CHLSN: variants seen among roughly 807,000 people sequenced by gnomAD.
The protein encoded by CHLSN is cholesin, also known as protein cholesin.
the CHLSN span, chr7:1,093,467 G>A: frequency 9.2e-5 from 43 of 468,744 alleles, no homozygotes; most frequent in African/African-American, 5.8e-4. Flanking sequence ...GGCGCTGTGC[G>A]GCCTCACCAG....
chr7:1,105,837 CT>C, the CHLSN span, among the ~76,000 whole-genome samples: 1 of 152,086 alleles, frequency 6.6e-6, no homozygotes, highest in Non-Finnish European at 1.5e-5. Flanking sequence ...GTGTGTTTTA[CT>C]TTTAAAAAGA....
the CHLSN span, among the ~76,000 whole-genome samples, chr7:1,061,988 C>A: frequency 6.6e-6 from 1 of 152,248 alleles, no homozygotes; most frequent in Admixed American, 6.5e-5. Flanking sequence ...CTTAATTCTT[C>A]CAGGCAGCCG....
chr7:1,080,577 G>T, the CHLSN span, among the ~76,000 whole-genome samples: 1 of 152,232 alleles, frequency 6.6e-6, no homozygotes, highest in African/African-American at 2.4e-5. Context: ...GGAACAGGAC[G>T]GTTTGTGCGC....
chr7:1,012,352 G>A, the CHLSN span, among the ~76,000 whole-genome samples: 7 of 152,256 alleles, frequency 4.6e-5, no homozygotes, highest in Admixed American at 2.0e-4. Context: ...CAACAGCAAC[G>A]TGGGCGCTGG....
the CHLSN span, among the ~76,000 whole-genome samples, chr7:1,071,443 G>A: frequency 3.3e-5 from 5 of 152,208 alleles, no homozygotes; most frequent in African/African-American, 1.2e-4. Flanking sequence ...CTGATGTGAG[G>A]TGGGCCTGGG....
At chr7:1,009,341 C>G in the CHLSN span, among the ~76,000 whole-genome samples, 2 of 152,210 alleles carry the variant, frequency 1.3e-5, no homozygotes, top group Non-Finnish European at 2.9e-5. Flanking sequence ...GGGAGACGGA[C>G]AGGAACGGGC....
the CHLSN span, among the ~76,000 whole-genome samples, chr7:1,035,099 G>T: frequency 2.6e-5 from 4 of 152,106 alleles, no homozygotes; most frequent in Non-Finnish European, 5.9e-5. Context: ...TGCTGGGCTG[G>T]TGTCATGTCT....
At chr7:1,066,820 C>A in the CHLSN span, among the ~76,000 whole-genome samples, 1 of 151,068 alleles carries the variant, frequency 6.6e-6, no homozygotes, top group African/African-American at 2.4e-5. Flanking sequence ...TGGAGTGCAC[C>A]CCAGAGGTGA....
chr7:1,084,748 C>T, the CHLSN span, among the ~76,000 whole-genome samples: 5 of 152,360 alleles, frequency 3.3e-5, no homozygotes, highest in African/African-American at 9.6e-5. Context: ...AGGTTAGAGA[C>T]GTTGCCCGGT....
At chr7:1,012,859 C>T in the CHLSN span, among the ~76,000 whole-genome samples, 3,076 of 152,346 alleles carry the variant, frequency 0.02, 92 homozygotes, top group African/African-American at 0.069. Context: ...TCCGTGCCAT[C>T]GGCCGCCCTA....
At chr7:1,093,094 C>T in the CHLSN span, 1 of 675,360 alleles carries the variant, frequency 1.5e-6, no homozygotes, top group Non-Finnish European at 2.8e-6. Flanking sequence ...GCTCGCCCCG[C>T]AGGGTCCAAA....
chr7:988,638 G>A, the CHLSN span: 3 of 1,602,088 alleles, frequency 1.9e-6, no homozygotes, highest in African/African-American at 2.7e-5. Context: ...CCCGCAGGCC[G>A]CCGCGTCTGT....
At chr7:1,084,418 G>A in the CHLSN span, among the ~76,000 whole-genome samples, 13 of 152,380 alleles carry the variant, frequency 8.5e-5, no homozygotes, top group East Asian at 2.3e-3. Context: ...TCCAGCATGT[G>A]TTAGCTCTAG....
chr7:1,135,047 C>T, the CHLSN span, among the ~76,000 whole-genome samples: 28 of 152,254 alleles, frequency 1.8e-4, no homozygotes, highest in Admixed American at 4.6e-4. Flanking sequence ...GACCTAACAG[C>T]GTTGGACTGT....
the CHLSN span, among the ~76,000 whole-genome samples, chr7:1,023,675 A>ACACACACACACC: frequency 1.0e-5 from 1 of 98,650 alleles, no homozygotes; most frequent in African/African-American, 3.7e-5. The surrounding 1 kb of genome is among the most constrained non-coding windows in gnomAD (Gnocchi z 5.0). Context: ...ACACACACAC[A>ACACACACACACC]CACCAGCAAC....
the CHLSN span, among the ~76,000 whole-genome samples, chr7:982,577 C>G: frequency 6.6e-6 from 1 of 152,234 alleles, no homozygotes; most frequent in Non-Finnish European, 1.5e-5. Flanking sequence ...CGGCAGCCCT[C>G]GAAAAGGAGC....
At chr7:986,095 C>A in the CHLSN span, among the ~76,000 whole-genome samples, 1 of 152,206 alleles carries the variant, frequency 6.6e-6, no homozygotes, top group Non-Finnish European at 1.5e-5. Context: ...CTGGCCTTCC[C>A]TGCTGGTGCC....
At chr7:1,016,653 A>ATGCCAGCG in the CHLSN span, among the ~76,000 whole-genome samples, 61 of 76,994 alleles carry the variant, frequency 7.9e-4, 14 homozygotes, top group Middle Eastern at 7.5e-3. Flanking sequence ...GCACAGCAGC[A>ATGCCAGCG]CACAGCAGCG....
At chr7:1,055,702 G>A in the CHLSN span, among the ~76,000 whole-genome samples, 2 of 152,200 alleles carry the variant, frequency 1.3e-5, no homozygotes, top group Admixed American at 1.3e-4. Flanking sequence ...GCTCTGTGGG[G>A]TGAAGGTGGC....
Sources: gnomAD v4.1 joint callset for allele counts (sites outside exome capture counted in the v4.1 genomes callset) on GRCh38, gnomAD v4.1.1 for gene constraint, Gnocchi (gnomAD v3.1) non-coding constraint, MANE v1.5 for transcripts, NCBI Gene and HGNC (gene_info 2026-07-23, HGNC 2026-07-21) for gene names.